DDB2: variants seen among roughly 807,000 people sequenced by gnomAD.
DDB2 encodes damage specific DNA binding protein 2.
A neutral mutation model predicts 50.5 loss-of-function variants in DDB2; 27 were observed. The ratio of observed to expected loss-of-function variants is 0.53; its 90% CI spans 0.39 to 0.74. DDB2 has a LOEUF of 0.74. Among genes scored for constraint, DDB2 ranks in the 30% least tolerant of loss-of-function variants. The probability of loss-of-function intolerance (pLI) is 0.00; values close to 1 mark genes in which losing one functional copy is unlikely to be tolerated. For synonymous variants in DDB2, 176 were observed against 205.5 expected (o/e 0.86, Z 1.23); for missense variants, 424 against 545.6 (o/e 0.78, Z 2.22).
chr11:47,214,639 C>T (rs1280575674), upstream of DDB2: 6 of 172,050 alleles, frequency 3.5e-5, 1 homozygote, highest in Non-Finnish European at 6.3e-5. Flanking sequence ...GGCGTGGTGG[C>T]GTACGCTTGT....
In DDB2 at chr11:47,234,742, A is replaced by G; in HGVS notation, c.703-15A>G. On this transcript the variant is annotated splice_polypyrimidine_tract_variant and intron_variant, in intron 5 of 9. Transcript: ENST00000256996. ...CGGTTCTGTGTCCCCACCTGAACCG[A>G]GCTCTTCTCTGCAGCTTTGGAATCT... 6.2e-7 allele frequency: 1 copy of G among 1,613,884 alleles called. No individual in the cohort carries two copies. The highest frequency in any genetic ancestry group is 8.5e-7 in the Non-Finnish European group (1 of 1,179,944).
chr11:47,235,926 C>CTT (rs10677833), intron 7 of DDB2: 18,364 of 61,782 alleles, frequency 0.3, 4,322 homozygotes, highest in Middle Eastern at 0.41. Flanking sequence ...CAGGCTGATC[C>CTT]TTTTTTTTTT....
intron 1 of DDB2, chr11:47,215,990 T>C: frequency 2.5e-6 from 1 of 403,188 alleles, no homozygotes; most frequent in South Asian, 2.2e-5. Flanking sequence ...ATTTATAAAA[T>C]TGTGACCCAG....
At chr11:47,235,116 T>G (rs1389352781) in intron 6 of DDB2, 154 bp from the exon 7 acceptor site, 40 of 1,331,262 alleles carry the variant, frequency 3.0e-5, no homozygotes, top group Middle Eastern at 3.8e-4. Context: ...CCAGAATTTT[T>G]TTGTTGTTGT....
At chr11:47,234,693 C>A in intron 5 of DDB2, 21 bp downstream of exon 5, 1 of 1,613,788 alleles carries the variant, frequency 6.2e-7, no homozygotes, top group Non-Finnish European at 8.5e-7. Context: ...CGAGGTCCTG[C>A]CTTTCCCTCC....
At chr11:47,228,977 A>ATATCTATCTATC (rs59098720) in intron 3 of DDB2, among the ~76,000 whole-genome samples, 19,254 of 124,462 alleles carry the variant, frequency 0.15, 1,639 homozygotes, top group Non-Finnish European at 0.18. Context: ...AAAAAAAGAA[A>ATATCTATCTATC]TATCTATCTA....
chr11:47,217,080 AAG>A, intron 3 of DDB2, 31 bp downstream of exon 3: 4 of 1,602,424 alleles, frequency 2.5e-6, no homozygotes, highest in Non-Finnish European at 3.4e-6. Flanking sequence ...GGTCGTGCTA[AAG>A]AAGTGTTTGT....
At chr11:47,235,243 C>T in intron 6 of DDB2, 27 bp from the exon 7 acceptor site, 1 of 1,614,208 alleles carries the variant, frequency 6.2e-7, no homozygotes, top group Non-Finnish European at 8.5e-7. Context: ...GTGGTTCCTT[C>T]AGCTCAGGGG....
At chr11:47,226,767 G>C (rs1261161132) in intron 3 of DDB2, among the ~76,000 whole-genome samples, 1 of 134,874 alleles carries the variant, frequency 7.4e-6, no homozygotes, top group African/African-American at 2.9e-5. Context: ...TTTGAAACAG[G>C]GTCTTACTTG....
intron 9 of DDB2, among the ~76,000 whole-genome samples, chr11:47,238,588 CAG>C (rs1381766129): frequency 6.6e-6 from 1 of 152,168 alleles, no homozygotes; most frequent in East Asian, 1.9e-4. Context: ...TTAGTAGAGA[CAG>C]GGTTTCACCG....
intron 3 of DDB2, among the ~76,000 whole-genome samples, chr11:47,223,081 G>A (rs577486302): frequency 2.0e-5 from 3 of 152,204 alleles, no homozygotes; most frequent in African/African-American, 7.2e-5. Flanking sequence ...AGAATTCTAG[G>A]TTCACAGTTT....
chr11:47,221,326 T>A (rs1590991206), intron 3 of DDB2, among the ~76,000 whole-genome samples: 1 of 150,910 alleles, frequency 6.6e-6, no homozygotes, highest in Non-Finnish European at 1.5e-5. Flanking sequence ...CAGGCTGGAG[T>A]GCAGTGGTGC....
intron 9 of DDB2, among the ~76,000 whole-genome samples, chr11:47,238,500 G>A (rs559398604): frequency 4.6e-5 from 7 of 152,122 alleles, no homozygotes; most frequent in South Asian, 2.1e-4. Flanking sequence ...CTGGGTTCAC[G>A]CCATTCTCCT....
At chr11:47,227,091 A>T (rs1953569997) in intron 3 of DDB2, among the ~76,000 whole-genome samples, 1 of 94,994 alleles carries the variant, frequency 1.1e-5, no homozygotes. Context: ...TATATTCTGG[A>T]TATTAACCTT....
chr11:47,234,673 G>C lies in DDB2; in HGVS notation c.702+1G>C, dbSNP rs1218859102. Reference sequence around the variant, plus strand: ...CCTGCTGAACATGGACGGCAAAGAGGTGCGTTCTCCGAGGTCCTGCCTTTC... The same window carrying C: ...CCTGCTGAACATGGACGGCAAAGAGCTGCGTTCTCCGAGGTCCTGCCTTTC... On this transcript the variant is annotated splice_donor_variant, in intron 5 of 9. Coordinates refer to ENST00000256996, the MANE Select transcript of DDB2 (RefSeq NM_000107.3). LOFTEE classifies it high-confidence loss of function. The C allele has an allele frequency of 6.2e-7, 1 of 1,614,026 alleles. No individual in the cohort carries two copies. The highest frequency in any genetic ancestry group is 2.2e-5 in the East Asian group (1 of 44,880).
intron 6 of DDB2, 78 bp from the exon 7 acceptor site, chr11:47,235,192 C>T: frequency 6.4e-7 from 1 of 1,566,754 alleles, no homozygotes; most frequent in South Asian, 1.1e-5. Context: ...GAGAGTACCC[C>T]TGCAGGAGAA....
At chr11:47,215,480 A>C in intron 1 of DDB2, 2 of 613,764 alleles carry the variant, frequency 3.3e-6, no homozygotes, top group Non-Finnish European at 5.8e-6. Context: ...CCGTAACAAC[A>C]GACACACGGA....
chr11:47,230,396 A>G (rs1391297406), intron 3 of DDB2, among the ~76,000 whole-genome samples: 1 of 152,188 alleles, frequency 6.6e-6, no homozygotes, highest in Non-Finnish European at 1.5e-5. Context: ...AGTTCTTCCA[A>G]AGCTTTCAAC....
chr11:47,234,349 GC>G (rs1176134354), intron 4 of DDB2, among the ~76,000 whole-genome samples: 13 of 152,176 alleles, frequency 8.5e-5, no homozygotes, highest in Admixed American at 7.2e-4. Context: ...CCTGGGCCCA[GC>G]CATAACCAGA....
Sources: allele counts gnomAD v4.1 joint callset (sites outside exome capture counted in the v4.1 genomes callset), GRCh38; gene constraint gnomAD v4.1.1; transcripts MANE v1.5; gene names NCBI Gene and HGNC (gene_info 2026-07-23, HGNC 2026-07-21).